The following CPED1 variants were observed in gnomAD, a reference collection of about 807,000 sequenced individuals.
CPED1 encodes cadherin-like and PC-esterase domain-containing protein 1.
In CPED1, 114 loss-of-function variants were observed where a neutral mutation model predicts 128.2. That is an observed-to-expected ratio of 0.89 (90% CI 0.76 to 1.04). The LOEUF (loss-of-function observed/expected upper bound fraction) is 1.04, where lower values mean the gene tolerates loss of function less well. Ranked by LOEUF, CPED1 falls within the 50% of genes least tolerant of loss-of-function variation. The pLI, the probability that CPED1 is intolerant of heterozygous loss-of-function variation, is 0.00. For missense variants in CPED1, 1,211 were observed against 1,207.1 expected (o/e 1.00, Z -0.05); for synonymous variants, 462 against 426.7 (o/e 1.08, Z -1.02).
intron 16 of CPED1, among the ~76,000 whole-genome samples, chr7:121,170,933 C>T (rs1031126922): frequency 1.3e-5 from 2 of 151,922 alleles, no homozygotes; most frequent in African/African-American, 4.8e-5. Context: ...GTCTGTAATC[C>T]CAGCTGCTTG....
At chr7:121,158,109 C>T (rs1229998912) in intron 16 of CPED1, among the ~76,000 whole-genome samples, 1 of 152,110 alleles carries the variant, frequency 6.6e-6, no homozygotes, top group African/African-American at 2.4e-5. Flanking sequence ...TGGTAATCTG[C>T]AAATGTTCAA....
chr7:121,103,500 A>T (rs1794901828), intron 7 of CPED1, among the ~76,000 whole-genome samples: 1 of 152,200 alleles, frequency 6.6e-6, no homozygotes, highest in Non-Finnish European at 1.5e-5. Flanking sequence ...CTGTTAAATT[A>T]CTTAACCATC....
chr7:121,134,368 G>A lies in CPED1; in HGVS notation c.1648+475G>A, dbSNP rs142048850. On this transcript the variant is annotated intron_variant, in intron 13 of 22. Coordinates refer to ENST00000310396, the MANE Select transcript of CPED1 (RefSeq NM_024913.5). ...CCCATAATCTCACTCATGTGGGATC[G>A]AAAAAAGTTGATCTCACAGAAGTAG... 7.0e-3 allele frequency among the ~76,000 whole-genome samples: 1,072 copies of A among 152,104 alleles called. 16 individuals are homozygous for A. The highest frequency in any genetic ancestry group is 0.025 in the African/African-American group (1,023 of 41,522).
At chr7:121,158,779 C>T (rs544643100) in intron 16 of CPED1, among the ~76,000 whole-genome samples, 20 of 151,972 alleles carry the variant, frequency 1.3e-4, no homozygotes, top group African/African-American at 3.9e-4. Flanking sequence ...TAATAAGAAA[C>T]GATAGTCATT....
At chr7:121,236,952 A>G in intron 17 of CPED1, 121 bp downstream of exon 17, 1 of 476,418 alleles carries the variant, frequency 2.1e-6, no homozygotes, top group Non-Finnish European at 3.7e-6. Context: ...TTGACAATGA[A>G]CTATAAAGCA....
intron 4 of CPED1, among the ~76,000 whole-genome samples, chr7:121,053,934 G>A (rs1793426842): frequency 6.6e-6 from 1 of 152,034 alleles, no homozygotes; most frequent in African/African-American, 2.4e-5. Context: ...GTTGACTCCT[G>A]GCCCTTTTGA....
At chr7:121,031,730 C>A (rs1270114653) in intron 3 of CPED1, among the ~76,000 whole-genome samples, 1 of 152,084 alleles carries the variant, frequency 6.6e-6, no homozygotes, top group Non-Finnish European at 1.5e-5. Context: ...AAAAATGACA[C>A]AAAATGTCTA....
chr7:121,079,510 G>A (rs1794225033), intron 5 of CPED1, among the ~76,000 whole-genome samples: 1 of 152,192 alleles, frequency 6.6e-6, no homozygotes, highest in Non-Finnish European at 1.5e-5. Context: ...ATGTAGAATT[G>A]CCTTTCTGTG....
chr7:121,197,470 C>T (rs1243392024), intron 16 of CPED1, among the ~76,000 whole-genome samples: 1 of 152,104 alleles, frequency 6.6e-6, no homozygotes, highest in East Asian at 1.9e-4. Flanking sequence ...CCCACAAAAG[C>T]CTTTAGAAGT....
intron 17 of CPED1, among the ~76,000 whole-genome samples, chr7:121,242,892 G>A (rs12532183): frequency 1.2e-4 from 18 of 151,940 alleles, no homozygotes; most frequent in African/African-American, 4.1e-4. Flanking sequence ...CAATCAGTAA[G>A]AGCCATAAAC....
chr7:121,199,591 C>T (rs1222276824), intron 16 of CPED1, among the ~76,000 whole-genome samples: 1 of 144,296 alleles, frequency 6.9e-6, no homozygotes, highest in African/African-American at 2.6e-5. Context: ...GTGAGGGAAT[C>T]GCTTGAACCT....
chr7:121,168,514 G>A lies in CPED1; in HGVS notation c.2055+26373G>A, dbSNP rs575106027. 9.9e-5 allele frequency among the ~76,000 whole-genome samples: 15 copies of A among 152,184 alleles called. No homozygotes were observed. The South Asian group carries it at 3.1e-3, about 32-fold the overall frequency. ...GGGTACATGAGATGTTTTGATGCAG[G>A]CATGGAATATGTAATGATCACATCA... On this transcript the variant is annotated intron_variant, in intron 16 of 22. Transcript: ENST00000310396.
At chr7:121,009,499 TG>T (rs1007630723) in intron 2 of CPED1, among the ~76,000 whole-genome samples, 2 of 150,246 alleles carry the variant, frequency 1.3e-5, no homozygotes, top group African/African-American at 4.9e-5. Flanking sequence ...CCTAGCTACT[TG>T]GGAGGCTGAG....
At chr7:121,136,285 T>A (rs369051263) in intron 14 of CPED1, among the ~76,000 whole-genome samples, 195 bp downstream of exon 14, 2 of 152,082 alleles carry the variant, frequency 1.3e-5, no homozygotes, top group East Asian at 3.9e-4. Context: ...TATTACATTT[T>A]TTTTGTTTAA....
intron 7 of CPED1, among the ~76,000 whole-genome samples, chr7:121,119,392 C>T (rs1331344240): frequency 6.6e-6 from 1 of 150,996 alleles, no homozygotes; most frequent in African/African-American, 2.4e-5. Flanking sequence ...ATCTCCAACT[C>T]CTGACCTCGT....
At chr7:121,279,340 A>T (rs1056439554) in intron 22 of CPED1, among the ~76,000 whole-genome samples, 1 of 152,064 alleles carries the variant, frequency 6.6e-6, no homozygotes, top group Non-Finnish European at 1.5e-5. Context: ...AAAATCATGC[A>T]TGAAGTACAG....
intron 16 of CPED1, among the ~76,000 whole-genome samples, chr7:121,172,147 C>CT (rs1294137334): frequency 6.6e-6 from 1 of 152,164 alleles, no homozygotes; most frequent in African/African-American, 2.4e-5. Context: ...TCCCAGTTCT[C>CT]TCTGTACACT....
intron 18 of CPED1, among the ~76,000 whole-genome samples, chr7:121,249,875 G>T (rs1798628231): frequency 6.6e-6 from 1 of 152,136 alleles, no homozygotes; most frequent in African/African-American, 2.4e-5. Flanking sequence ...AATAATGGGA[G>T]AATTTAACAC....
In CPED1 at chr7:121,244,226, G is replaced by A. The variant is rs1184826060; in HGVS notation, c.2198G>A (p.Ser733Asn). ...MKGQWIVPCLSCSDNRTCDWR... is the reference protein window; with the variant it reads ...MKGQWIVPCLNCSDNRTCDWR... Reference sequence around the variant, plus strand: ...GGCCAGTGGATTGTGCCTTGCCTTAGTTGTTCGGACAACAGGACGTGTGAC... The same window carrying A: ...GGCCAGTGGATTGTGCCTTGCCTTAATTGTTCGGACAACAGGACGTGTGAC... Residue 733 changes from serine (S) to asparagine (N), a missense_variant, in exon 18 of 23, where the codon AGT becomes AAT. By Grantham distance (46) the Ser-to-Asn change is conservative (BLOSUM62 1). Transcript: ENST00000310396. The A allele has an allele frequency of 1.2e-6, 2 of 1,614,154 alleles. No homozygotes were observed. Among genetic ancestry groups the A allele is most frequent in the South Asian group, 2.2e-5 (2 of 91,086 alleles).
Sources: allele counts gnomAD v4.1 joint callset (sites outside exome capture counted in the v4.1 genomes callset), GRCh38; gene constraint gnomAD v4.1.1; transcripts MANE v1.5; gene names NCBI Gene and HGNC (gene_info 2026-07-23, HGNC 2026-07-21).